The following VAC14 variants were observed in gnomAD, a reference collection of about 807,000 sequenced individuals.
The protein encoded by VAC14 is VAC14 component of PIKFYVE complex.
A neutral mutation model predicts 85.3 loss-of-function variants in VAC14; 47 were observed. The observed-to-expected ratio is 0.55, with a 90% CI of 0.44 to 0.70. The LOEUF is 0.70. VAC14 is among the 30% of genes least tolerant of loss of function. The probability of loss-of-function intolerance (pLI) is 0.00; values close to 1 mark genes in which losing one functional copy is unlikely to be tolerated. For missense variants in VAC14, 861 were observed against 1,004.3 expected (o/e 0.86, Z 1.93); for synonymous variants, 447 against 430.5 (o/e 1.04, Z -0.47).
chr16:70,765,274 T>A (rs1331367257), intron 10 of VAC14, among the ~76,000 whole-genome samples: 2 of 152,176 alleles, frequency 1.3e-5, no homozygotes, highest in Non-Finnish European at 2.9e-5. Context: ...GGCCTTGTTT[T>A]TCCTTGTTTC....
chr16:70,763,093 C>T, intron 10 of VAC14, 68 bp from the exon 11 acceptor site: 1 of 1,602,416 alleles, frequency 6.2e-7, no homozygotes. Context: ...GGAGTCATGG[C>T]ACCACCCTGG....
intron 12 of VAC14, among the ~76,000 whole-genome samples, chr16:70,755,476 T>C (rs918966154): frequency 8.5e-5 from 13 of 152,232 alleles, no homozygotes; most frequent in African/African-American, 2.9e-4. Flanking sequence ...AGGTTTTAGA[T>C]GCTCTGGAAT....
At position 70,692,931 on chromosome 16, in the gene VAC14, G is replaced by A. The variant is rs1265184834; in HGVS notation, c.2076C>T (p.Tyr692=). The change falls in exon 18 of 19, where the codon TAC becomes TAT. Residue 692 remains tyrosine (Y), a synonymous_variant. Coordinates refer to ENST00000261776, the MANE Select transcript of VAC14 (RefSeq NM_018052.5). The part of the protein sequence containing the change: ...LQLLDVKNNP[Y]LIKALYGLLM... ...GCAGGCCGTAGAGGGCCTTGATCAG[G>A]TAGGGGTTGTTCTTCACGTCCAGCA... 6.2e-7 allele frequency: 1 copy of A among 1,611,506 alleles called. No individual in the cohort carries two copies. The highest frequency in any genetic ancestry group is 8.5e-7 in the Non-Finnish European group (1 of 1,179,632).
At chr16:70,722,955 A>G (rs1012445398) in intron 14 of VAC14, among the ~76,000 whole-genome samples, 4 of 152,080 alleles carry the variant, frequency 2.6e-5, no homozygotes, top group African/African-American at 7.2e-5. Flanking sequence ...GTGGCTCATG[A>G]CTGTAATCTC....
At position 70,800,915 on chromosome 16, in the gene VAC14, G is replaced by C; in HGVS notation, c.-15C>G. The C allele has an allele frequency of 6.4e-7, 1 of 1,565,988 alleles. No homozygotes were observed. The highest frequency in any genetic ancestry group is 8.7e-7 in the Non-Finnish European group (1 of 1,154,696). On this transcript the variant is annotated 5_prime_UTR_variant, in exon 1 of 19. Coordinates refer to ENST00000261776, the MANE Select transcript of VAC14 (RefSeq NM_018052.5). Reference sequence around the variant, plus strand: ...TCGGGGTTCATGGTGGCAGCTGGGGGAACCTCGCGACTCCTTAGCCCGCGG... The same window carrying C: ...TCGGGGTTCATGGTGGCAGCTGGGGCAACCTCGCGACTCCTTAGCCCGCGG...
rs938219786 is a variant in VAC14, at chr16:70,712,378, C to A, written c.1662-13567G>T. ...CCACCAGGATCACGCCACTGCCCCT[C>A]TGAGCAAAGACACGAGGTAACCACC... is the stretch of plus-strand genomic sequence containing the variant. On this transcript the variant is annotated intron_variant, in intron 14 of 18. Transcript: ENST00000261776. Among the ~76,000 whole-genome samples, 4 of 152,142 alleles carry A rather than the reference C, an allele frequency of 2.6e-5. No individual in the cohort carries two copies. In the South Asian group the frequency reaches 6.2e-4, roughly 24 times the overall value.
intron 14 of VAC14, among the ~76,000 whole-genome samples, chr16:70,708,318 C>T (rs1427265165): frequency 6.6e-6 from 1 of 152,232 alleles, no homozygotes; most frequent in African/African-American, 2.4e-5. Context: ...TGGGCCCCTA[C>T]AGGCAATGGG....
At chr16:70,784,878 G>C in intron 3 of VAC14, 40 bp from the exon 4 acceptor site, 2 of 1,581,088 alleles carry the variant, frequency 1.3e-6, no homozygotes, top group Non-Finnish European at 1.7e-6. Flanking sequence ...CAGAGGCGAG[G>C]GTCACGGTTG....
intron 14 of VAC14, among the ~76,000 whole-genome samples, chr16:70,718,313 C>T (rs1266955053): frequency 6.6e-6 from 1 of 152,210 alleles, no homozygotes; most frequent in Non-Finnish European, 1.5e-5. Context: ...TGGCTCACGC[C>T]TGTAATCCCA....
rs117042791 is a variant in VAC14, at chr16:70,722,444, A to G, written c.1661+9051T>C. On this transcript the variant is annotated intron_variant, in intron 14 of 18. Coordinates refer to ENST00000261776, the MANE Select transcript of VAC14 (RefSeq NM_018052.5). ...CTTTCACAAACCGCATGCAGCAGAA[A>G]CCCTTTTGGGTGTGTTTCTGTGACG... Among the ~76,000 whole-genome samples the G allele has an allele frequency of 9.8e-4, 149 of 152,226 alleles. 4 individuals are homozygous for G. The East Asian group carries it at 0.027, about 28-fold the overall frequency.
At chr16:70,706,697 G>T (rs979322540) in intron 14 of VAC14, among the ~76,000 whole-genome samples, 3 of 152,116 alleles carry the variant, frequency 2.0e-5, no homozygotes, top group Admixed American at 6.5e-5. Flanking sequence ...GCGACATGTT[G>T]ACCAGGCTGG....
At chr16:70,744,715 C>A in intron 12 of VAC14, 136 bp from the exon 13 acceptor site, 2 of 988,260 alleles carry the variant, frequency 2.0e-6, no homozygotes, top group Non-Finnish European at 1.4e-6. Context: ...CTGGGAAGAG[C>A]CACTAAGGCC....
chr16:70,697,040 A>C (rs979028837), intron 16 of VAC14, 99 bp downstream of exon 16: 1 of 928,666 alleles, frequency 1.1e-6, no homozygotes, highest in Non-Finnish European at 1.7e-6. Flanking sequence ...TGGGGACAGG[A>C]GCATGGCACT....
chr16:70,787,638 G>A (rs993781907), intron 1 of VAC14, among the ~76,000 whole-genome samples: 4 of 152,238 alleles, frequency 2.6e-5, no homozygotes, highest in African/African-American at 9.6e-5. Context: ...ACTGATGGAG[G>A]AGAGGCAGCT....
intron 12 of VAC14, among the ~76,000 whole-genome samples, chr16:70,745,729 G>A (rs879571845): frequency 5.3e-5 from 8 of 152,176 alleles, no homozygotes; most frequent in Non-Finnish European, 1.2e-4. Context: ...CTGTCCCTGC[G>A]CCCAGCAGAT....
At chr16:70,773,830 C>A (rs953357415) in intron 9 of VAC14, among the ~76,000 whole-genome samples, 1 of 151,828 alleles carries the variant, frequency 6.6e-6, no homozygotes, top group Non-Finnish European at 1.5e-5. Flanking sequence ...AGTGGCACAA[C>A]CTTGGCTCAC....
At chr16:70,791,821 G>A (rs1197217759) in intron 1 of VAC14, among the ~76,000 whole-genome samples, 2 of 152,226 alleles carry the variant, frequency 1.3e-5, no homozygotes, top group African/African-American at 4.8e-5. Flanking sequence ...GGGGTGACAG[G>A]CAGCTTGAGC....
intron 1 of VAC14, among the ~76,000 whole-genome samples, chr16:70,799,571 A>C (rs2034681831): frequency 6.6e-6 from 1 of 152,242 alleles, no homozygotes. Flanking sequence ...ATGTCTGAAG[A>C]CATTTTTGAT....
At chr16:70,690,170 T>C (rs1382583009) in intron 18 of VAC14, 1 of 985,532 alleles carries the variant, frequency 1.0e-6, no homozygotes, top group Non-Finnish European at 1.2e-6. Flanking sequence ...ATCTGCTCCC[T>C]GGGCCCTTAG....
Sources: allele counts gnomAD v4.1 joint callset (sites outside exome capture counted in the v4.1 genomes callset), GRCh38; gene constraint gnomAD v4.1.1; transcripts MANE v1.5; gene names NCBI Gene and HGNC (gene_info 2026-07-23, HGNC 2026-07-21).